NAA35: variants seen among roughly 807,000 people sequenced by gnomAD.
The protein encoded by NAA35 is N-alpha-acetyltransferase 35, NatC auxiliary subunit.
NAA35 carries 18 observed loss-of-function variants against 101.7 expected under a neutral mutation model. That is an observed-to-expected ratio of 0.18 (90% CI 0.12 to 0.26). The LOEUF is 0.26. Ranked by LOEUF, NAA35 falls within the 10% of genes least tolerant of loss-of-function variation. The probability of loss-of-function intolerance (pLI) is 1.00; values close to 1 mark genes in which losing one functional copy is unlikely to be tolerated. For missense variants in NAA35, 601 were observed against 886.8 expected (o/e 0.68, Z 4.09); for synonymous variants, 267 against 273.1 (o/e 0.98, Z 0.22).
intron 2 of NAA35, among the ~76,000 whole-genome samples, chr9:85,944,077 C>T (rs1294287060): frequency 6.6e-6 from 1 of 152,130 alleles, no homozygotes; most frequent in East Asian, 1.9e-4. Context: ...GTTTGTTCCC[C>T]TTGATGATCA....
chr9:86,018,023 T>C (rs1564329970), intron 19 of NAA35, among the ~76,000 whole-genome samples: 1 of 152,260 alleles, frequency 6.6e-6, no homozygotes, highest in African/African-American at 2.4e-5. Context: ...TAAGTTGTAC[T>C]TGGCAGTCCA....
chr9:85,959,623 A>G lies in NAA35; in HGVS notation c.274-170A>G, dbSNP rs1029674290. On this transcript the variant is annotated intron_variant, in intron 4 of 22. Coordinates refer to ENST00000361671, the MANE Select transcript of NAA35 (RefSeq NM_024635.4). ...TTTATAAGAAGATATATTGTTTTTA[A>G]GAGTACAGAGTTAATTTGGTGTGAT... 5.9e-5 allele frequency among the ~76,000 whole-genome samples: 9 copies of G among 152,136 alleles called. No individual in the cohort carries two copies. The South Asian group carries it at 8.3e-4, about 14-fold the overall frequency.
intron 13 of NAA35, among the ~76,000 whole-genome samples, chr9:86,005,054 TC>T (rs1831571769): frequency 6.6e-6 from 1 of 152,134 alleles, no homozygotes; most frequent in African/African-American, 2.4e-5. Flanking sequence ...CATATTTTCC[TC>T]ACAAACACAG....
At chr9:85,952,141 C>T (rs1004092567) in intron 2 of NAA35, among the ~76,000 whole-genome samples, 38 of 151,920 alleles carry the variant, frequency 2.5e-4, no homozygotes, top group Non-Finnish European at 2.4e-4. Flanking sequence ...TGGCAACAGA[C>T]GTCAGTTTTT....
intron 2 of NAA35, among the ~76,000 whole-genome samples, chr9:85,955,438 C>T (rs1360071567): frequency 1.4e-5 from 2 of 142,652 alleles, no homozygotes; most frequent in African/African-American, 5.2e-5. Flanking sequence ...TCTTGGCTCA[C>T]TGCAAGCTCC....
At chr9:85,950,432 A>G (rs902316246) in intron 2 of NAA35, among the ~76,000 whole-genome samples, 1 of 152,138 alleles carries the variant, frequency 6.6e-6, no homozygotes, top group African/African-American at 2.4e-5. Context: ...TTTAGCAGAG[A>G]TGGGGTTTCA....
intron 2 of NAA35, among the ~76,000 whole-genome samples, chr9:85,951,756 G>A (rs1829027801): frequency 6.6e-6 from 1 of 152,172 alleles, no homozygotes; most frequent in Non-Finnish European, 1.5e-5. Flanking sequence ...CTGGGTTCAA[G>A]GGATTCTCCT....
chr9:85,948,410 C>G (rs1291288657), intron 2 of NAA35, among the ~76,000 whole-genome samples: 1 of 152,164 alleles, frequency 6.6e-6, no homozygotes, highest in Non-Finnish European at 1.5e-5. Flanking sequence ...GGTTTCATCT[C>G]CTTATAGAAC....
chr9:85,941,356 C>T (rs984629078), intron 1 of NAA35, 83 bp downstream of exon 1: 43 of 985,442 alleles, frequency 4.4e-5, no homozygotes, highest in Admixed American at 6.1e-5. Flanking sequence ...GTGGCAGATC[C>T]TGGGGACCCC....
chr9:86,008,479 C>T (rs1217675598), intron 14 of NAA35, among the ~76,000 whole-genome samples: 1 of 152,074 alleles, frequency 6.6e-6, no homozygotes, highest in Non-Finnish European at 1.5e-5. Context: ...GTTAATAAAT[C>T]AACAGTATAT....
intron 12 of NAA35, among the ~76,000 whole-genome samples, chr9:85,998,544 C>G (rs896770891): frequency 1.3e-5 from 2 of 152,138 alleles, no homozygotes; most frequent in African/African-American, 2.4e-5. Context: ...ACACTTTTAA[C>G]TATCATATTT....
chr9:85,991,095 A>T (rs747712146), intron 11 of NAA35, among the ~76,000 whole-genome samples: 1 of 152,068 alleles, frequency 6.6e-6, no homozygotes, highest in Non-Finnish European at 1.5e-5. Context: ...AGGATTGAGA[A>T]GGGGACCATG....
intron 11 of NAA35, among the ~76,000 whole-genome samples, chr9:85,980,900 T>G (rs1448412316): frequency 6.6e-6 from 1 of 152,182 alleles, no homozygotes; most frequent in Non-Finnish European, 1.5e-5. Flanking sequence ...CAAATTAGTG[T>G]TACCCAGTTG....
At position 85,942,264 on chromosome 9, in the gene NAA35, T is replaced by C. The variant is rs1290806637; in HGVS notation, c.105T>C (p.Asp35=). The C allele has an allele frequency of 6.2e-7, 1 of 1,613,922 alleles. No individual in the cohort carries two copies. The highest frequency in any genetic ancestry group is 1.7e-5 in the Admixed American group (1 of 59,956). Residue 35 remains aspartate (D), a synonymous_variant, in exon 2 of 23, where the codon GAT becomes GAC. Transcript: ENST00000361671. The stretch of plus-strand genomic sequence containing the variant: ...CAAACTGGGTGGACATTACCCAAGA[T>C]TTTGAAGAAGCTTGTCGAGGTGAGT... ...SNTNWVDITQ[D]FEEACRELKL...
intron 2 of NAA35, among the ~76,000 whole-genome samples, chr9:85,942,786 A>G (rs1042545799): frequency 3.9e-5 from 6 of 152,040 alleles, no homozygotes; most frequent in African/African-American, 1.4e-4. Flanking sequence ...GGTCTTTTTT[A>G]TCTCTTCGTA....
At chr9:85,990,523 C>A (rs963481639) in intron 11 of NAA35, among the ~76,000 whole-genome samples, 1 of 152,242 alleles carries the variant, frequency 6.6e-6, no homozygotes, top group East Asian at 1.9e-4. Context: ...GTTGTAGATA[C>A]AAAATTAATA....
chr9:85,981,981 A>G (rs1830456939), intron 11 of NAA35, among the ~76,000 whole-genome samples: 1 of 152,198 alleles, frequency 6.6e-6, no homozygotes. Context: ...ATTGAAAGGT[A>G]GATATTCAGT....
Position 85,975,007 on chromosome 9 carries a change from A to G in NAA35, c.557A>G (p.Asn186Ser), listed in dbSNP as rs751063091. 10 of 1,613,004 alleles carry G rather than the reference A, an allele frequency of 6.2e-6. No homozygotes were observed. In the South Asian group the frequency reaches 1.1e-4, roughly 18 times the overall value. Reference protein sequence around the residue: ...QSMTYGFKMANSVTDLRVTGM... With the variant: ...QSMTYGFKMASSVTDLRVTGM... ...ATGACTTATGGATTTAAAATGGCTA[A>G]CAGTGTGACAGATCTTCGAGTTACA... The change falls in exon 7 of 23, where the codon AAC (asparagine) becomes AGC (serine). Residue 186 changes from asparagine to serine, a missense_variant. Physicochemically the swap from Asn to Ser is conservative, Grantham distance 46 (BLOSUM62 1). Transcript: ENST00000361671.
chr9:85,966,581 A>C, intron 6 of NAA35: 1 of 1,190,764 alleles, frequency 8.4e-7, no homozygotes, highest in Non-Finnish European at 1.1e-6. Flanking sequence ...AACCTCACCC[A>C]CCTCTTGATC....
Sources: allele counts gnomAD v4.1 joint callset (sites outside exome capture counted in the v4.1 genomes callset), GRCh38; gene constraint gnomAD v4.1.1; transcripts MANE v1.5; gene names NCBI Gene and HGNC (gene_info 2026-07-23, HGNC 2026-07-21).